The following PSD3 variants were observed in gnomAD, a reference collection of about 807,000 sequenced individuals.
The protein encoded by PSD3 is pleckstrin and Sec7 domain containing 3.
A neutral mutation model predicts 105.5 loss-of-function variants in PSD3; 49 were observed. The observed-to-expected ratio is 0.46, with a 90% CI of 0.37 to 0.59. The LOEUF (loss-of-function observed/expected upper bound fraction) is 0.59, where lower values mean the gene tolerates loss of function less well. Among genes scored for constraint, PSD3 ranks in the 20% least tolerant of loss-of-function variants. The pLI is 0.00. For missense variants in PSD3, 1,561 were observed against 1,263.8 expected, an observed-to-expected ratio of 1.24 and a Z score of -3.57; for synonymous variants, 557 against 457.8, an observed-to-expected ratio of 1.22 and a Z score of -2.77.
intron 2 of PSD3, among the ~76,000 whole-genome samples, chr8:18,892,925 C>A (rs1022340669): frequency 1.3e-5 from 2 of 152,134 alleles, no homozygotes; most frequent in Admixed American, 1.3e-4. Context: ...GTGCCCAGCC[C>A]CTAAGTAAAT....
intron 8 of PSD3, among the ~76,000 whole-genome samples, chr8:18,798,104 T>G (rs118061933): frequency 6.6e-6 from 1 of 152,122 alleles, no homozygotes. Context: ...TGGATGAACA[T>G]TAGATTGCGG....
chr8:18,973,384 G>A (rs1824758583), intron 1 of PSD3, among the ~76,000 whole-genome samples: 2 of 152,198 alleles, frequency 1.3e-5, no homozygotes, highest in Admixed American at 6.5e-5. Context: ...CCAAGAGCAT[G>A]GTGCCATCTG....
chr8:19,008,783 A>C (rs1298084978), intron 1 of PSD3, among the ~76,000 whole-genome samples: 1 of 152,208 alleles, frequency 6.6e-6, no homozygotes, highest in Non-Finnish European at 1.5e-5. Context: ...GTCTGAGAAC[A>C]GAAGGCCAGG....
At chr8:18,761,139 G>C (rs145800241) in intron 9 of PSD3, among the ~76,000 whole-genome samples, 72 of 152,282 alleles carry the variant, frequency 4.7e-4, no homozygotes, top group African/African-American at 1.5e-3. Context: ...TTAAAAATGT[G>C]GGAAGAAGGA....
chr8:19,064,118 G>C, intron 1 of PSD3, among the ~76,000 whole-genome samples: 1 of 152,028 alleles, frequency 6.6e-6, no homozygotes. Context: ...TCCAGCCTGA[G>C]TGACGAAGTG....
intron 11 of PSD3, among the ~76,000 whole-genome samples, chr8:18,617,405 C>T (rs1193561906): frequency 6.6e-6 from 1 of 151,944 alleles, no homozygotes; most frequent in Non-Finnish European, 1.5e-5. Flanking sequence ...ATGGTGGGTG[C>T]CTATAATCCC....
intron 1 of PSD3, among the ~76,000 whole-genome samples, chr8:19,079,789 T>C (rs1829582329): frequency 6.6e-6 from 1 of 152,174 alleles, no homozygotes; most frequent in African/African-American, 2.4e-5. Context: ...ATCCCAGTTT[T>C]CCCTAAGAAA....
chr8:18,915,353 T>A (rs942106887), intron 2 of PSD3, among the ~76,000 whole-genome samples: 8 of 152,058 alleles, frequency 5.3e-5, no homozygotes, highest in Non-Finnish European at 1.0e-4. Flanking sequence ...TTGGATTGCA[T>A]CAAACTAAAA....
intron 1 of PSD3, among the ~76,000 whole-genome samples, chr8:19,080,675 C>G (rs556641950): frequency 6.6e-6 from 1 of 152,144 alleles, no homozygotes; most frequent in East Asian, 1.9e-4. Context: ...AACAGTCTTA[C>G]AAGCTAGTGA....
At chr8:19,074,978 C>A (rs1227628170) in intron 1 of PSD3, among the ~76,000 whole-genome samples, 1 of 150,350 alleles carries the variant, frequency 6.7e-6, no homozygotes, top group East Asian at 1.9e-4. Flanking sequence ...TGGAGTCTTG[C>A]CCTTTTTCCC....
At chr8:18,656,106 G>A (rs2130854912) in intron 9 of PSD3, among the ~76,000 whole-genome samples, 1 of 152,222 alleles carries the variant, frequency 6.6e-6, no homozygotes, top group Middle Eastern at 3.4e-3. Flanking sequence ...TGCCCAGGCT[G>A]GAGTGCAACG....
Position 18,572,532 on chromosome 8 carries a change from G to C in PSD3, c.2780C>G (p.Ser927Cys). 6.2e-7 allele frequency: 1 copy of C among 1,613,638 alleles called. No individual in the cohort carries two copies. Among genetic ancestry groups the C allele is most frequent in the Non-Finnish European group, 8.5e-7 (1 of 1,179,684 alleles). Reference sequence around the variant, plus strand: ...AAGCACTATCAAGATGATTACCTGAGACAGTTTTGTTGTAGTGGCAGGCAG... The same window carrying C: ...AAGCACTATCAAGATGATTACCTGACACAGTTTTGTTGTAGTGGCAGGCAG... ...PLLPATTTKL[S>C]QEEQLKSHES... is the part of the protein sequence containing the mutation. Residue 927 changes from serine to cysteine, a missense_variant, in exon 14 of 16, where the codon TCT becomes TGT. By Grantham distance (112) the Ser-to-Cys change is moderately radical. Coordinates refer to ENST00000327040, the MANE Select transcript of PSD3 (RefSeq NM_015310.4).
Position 18,534,756 on chromosome 8 carries a change from G to A in PSD3, c.*987C>T, listed in dbSNP as rs1799764076. On this transcript the variant is annotated 3_prime_UTR_variant, in exon 16 of 16. Coordinates refer to ENST00000327040, the MANE Select transcript of PSD3 (RefSeq NM_015310.4). ...GTTTCATTTTAGTATTAATTTGTTA[G>A]GAAGGAAGACCTCAATATCACAACC... The A allele has an allele frequency of 6.6e-6, 1 of 152,442 alleles. No homozygotes were observed. Among genetic ancestry groups the A allele is most frequent in the Non-Finnish European group, 1.5e-5 (1 of 68,024 alleles). The allele number at this position is 152,442 out of a possible 1,614,324, so 9.4% of individuals were successfully genotyped here.
At position 18,942,652 on chromosome 8, in the gene PSD3, C is replaced by T. The variant is rs1563447182; in HGVS notation, c.22-6510G>A. ...ATGAAAAGATGACGACAGGCACACA[C>T]TGAGAAAAGACCATGTGAAGACACA... On this transcript the variant is annotated intron_variant, in intron 1 of 15. Coordinates refer to ENST00000327040, the MANE Select transcript of PSD3 (RefSeq NM_015310.4). Among the ~76,000 whole-genome samples the T allele has an allele frequency of 3.3e-5, 5 of 152,258 alleles. No individual in the cohort carries two copies. In the East Asian group the frequency reaches 5.8e-4, roughly 18 times the overall value.
At chr8:18,973,896 T>C (rs1824788859) in intron 1 of PSD3, among the ~76,000 whole-genome samples, 1 of 152,212 alleles carries the variant, frequency 6.6e-6, no homozygotes, top group South Asian at 2.1e-4. Flanking sequence ...CTGAGGTCGA[T>C]ACTGCTATTA....
chr8:18,660,695 T>C (rs1444132555), intron 9 of PSD3, among the ~76,000 whole-genome samples: 1 of 152,226 alleles, frequency 6.6e-6, no homozygotes, highest in Non-Finnish European at 1.5e-5. Context: ...ACTGCATGAA[T>C]ATTTCTAAAT....
chr8:18,688,955 A>T (rs1371351044), intron 9 of PSD3, among the ~76,000 whole-genome samples: 1 of 152,236 alleles, frequency 6.6e-6, no homozygotes, highest in African/African-American at 2.4e-5. Flanking sequence ...TAACAAATCA[A>T]AATAGCAGGA....
chr8:19,010,891 C>T (rs772494343), intron 1 of PSD3, among the ~76,000 whole-genome samples: 8 of 151,858 alleles, frequency 5.3e-5, no homozygotes, highest in Admixed American at 3.9e-4. Context: ...CCAAGGACCT[C>T]TGTGCTTGGC....
intron 1 of PSD3, among the ~76,000 whole-genome samples, chr8:18,948,846 T>C (rs1229593063): frequency 1.4e-5 from 2 of 142,654 alleles, no homozygotes; most frequent in Non-Finnish European, 3.1e-5. Flanking sequence ...CTAAATGTGA[T>C]TTTAAGGTGG....
Sources: allele counts gnomAD v4.1 joint callset (sites outside exome capture counted in the v4.1 genomes callset), GRCh38; gene constraint gnomAD v4.1.1; transcripts MANE v1.5; gene names NCBI Gene and HGNC (gene_info 2026-07-23, HGNC 2026-07-21).